DLST: variants seen among roughly 807,000 people sequenced by gnomAD.
The protein encoded by DLST is dihydrolipoyllysine-residue succinyltransferase component of 2-oxoglutarate dehydrogenase complex, mitochondrial.
DLST carries 17 observed loss-of-function variants against 53.1 expected under a neutral mutation model. The ratio of observed to expected loss-of-function variants is 0.32; its 90% CI spans 0.22 to 0.48. The LOEUF (loss-of-function observed/expected upper bound fraction) is 0.48, where lower values mean the gene tolerates loss of function less well. DLST is among the 20% of genes least tolerant of loss of function. The pLI is 0.99. For missense variants in DLST, 512 were observed against 583.9 expected (o/e 0.88, Z 1.27); for synonymous variants, 206 against 204.8 (o/e 1.01, Z -0.05).
intron 2 of DLST, among the ~76,000 whole-genome samples, chr14:74,883,386 C>T (rs1296635077): frequency 6.6e-6 from 1 of 151,368 alleles, no homozygotes; most frequent in East Asian, 1.9e-4. Flanking sequence ...TTCACAAAGA[C>T]CCTGAGGAAG....
intron 10 of DLST, among the ~76,000 whole-genome samples, chr14:74,896,851 G>T (rs149901512): frequency 2.0e-4 from 30 of 152,232 alleles, no homozygotes; most frequent in African/African-American, 7.2e-4. Context: ...GAAAGGAAGC[G>T]TAATAGCTGG....
chr14:74,890,093 A>T, intron 6 of DLST, 141 bp downstream of exon 6: 4 of 535,186 alleles, frequency 7.5e-6, no homozygotes, highest in South Asian at 3.7e-5. Flanking sequence ...GATTTGTTCA[A>T]TTTAAAAAAA....
intron 2 of DLST, among the ~76,000 whole-genome samples, chr14:74,883,325 G>T (rs1475082312): frequency 6.6e-6 from 1 of 150,940 alleles, no homozygotes; most frequent in Non-Finnish European, 1.5e-5. Flanking sequence ...GTTATGGCTA[G>T]CAGAATGTGA....
chr14:74,891,663 T>C, intron 7 of DLST: 1 of 985,054 alleles, frequency 1.0e-6, no homozygotes, highest in Non-Finnish European at 1.2e-6. Context: ...AGAAACGAAT[T>C]TGTACTGGAC....
intron 3 of DLST, among the ~76,000 whole-genome samples, chr14:74,888,513 AC>A (rs1447385101): frequency 1.3e-5 from 2 of 151,652 alleles, no homozygotes; most frequent in African/African-American, 2.4e-5. Flanking sequence ...GATCTTTGAG[AC>A]CCGTCTGGGC....
chr14:74,890,551 A>G (rs1361479208), intron 6 of DLST, among the ~76,000 whole-genome samples: 1 of 152,218 alleles, frequency 6.6e-6, no homozygotes. Context: ...ACTTGGAAAC[A>G]TATTAACTGA....
chr14:74,894,308 T>A lies in DLST; in HGVS notation c.673-4T>A. ...GTCAATGCTTGTTCCACTCTTACTT[T>A]CAGGAGAAAATGAACAGGATGCGGC... On this transcript the variant is annotated splice_region_variant and splice_polypyrimidine_tract_variant and intron_variant, in intron 9 of 14. Coordinates refer to ENST00000334220, the MANE Select transcript of DLST (RefSeq NM_001933.5). 1.2e-6 allele frequency: 2 copies of A among 1,613,894 alleles called. No individual in the cohort carries two copies. The highest frequency in any genetic ancestry group is 1.7e-6 in the Non-Finnish European group (2 of 1,179,886).
In DLST at chr14:74,894,304, A is replaced by T. The variant is rs1387438236; in HGVS notation, c.673-8A>T. On this transcript the variant is annotated splice_region_variant and splice_polypyrimidine_tract_variant and intron_variant, in intron 9 of 14. Coordinates refer to ENST00000334220, the MANE Select transcript of DLST (RefSeq NM_001933.5). ...GATTGTCAATGCTTGTTCCACTCTT[A>T]CTTTCAGGAGAAAATGAACAGGATG... 1.9e-6 allele frequency: 3 copies of T among 1,613,644 alleles called. No homozygotes were observed. Among genetic ancestry groups the T allele is most frequent in the Non-Finnish European group, 2.5e-6 (3 of 1,179,868 alleles).
chr14:74,882,858 G>A (rs1883575797), intron 2 of DLST, among the ~76,000 whole-genome samples: 1 of 152,248 alleles, frequency 6.6e-6, no homozygotes, highest in Non-Finnish European at 1.5e-5. Flanking sequence ...GGATACAGAA[G>A]TGTACAGTTC....
intron 10 of DLST, among the ~76,000 whole-genome samples, chr14:74,895,116 A>G (rs1402309160): frequency 6.6e-6 from 1 of 152,144 alleles, no homozygotes; most frequent in Non-Finnish European, 1.5e-5. Context: ...AGCCCCAGCT[A>G]CTTGGGGGGC....
At chr14:74,891,909 G>A in intron 7 of DLST, 1 of 967,838 alleles carries the variant, frequency 1.0e-6, no homozygotes, top group Non-Finnish European at 1.2e-6. Context: ...TGGGAAATAA[G>A]GTAGTCCTCC....
chr14:74,898,580 C>T lies in DLST; in HGVS notation c.901+81C>T, dbSNP rs1884145366. 6 of 1,500,422 alleles carry T rather than the reference C, an allele frequency of 4.0e-6. No homozygotes were observed. In the East Asian group the frequency reaches 1.2e-4, roughly 30 times the overall value. 92.9% of individuals were successfully genotyped at this position (1,500,422 alleles called of 1,614,324 possible). On this transcript the variant is annotated intron_variant, in intron 11 of 14. Coordinates refer to ENST00000334220, the MANE Select transcript of DLST (RefSeq NM_001933.5). ...AGACCTGCTCCCACATGCAGAGGAT[C>T]AACAGACCAAGGCTTTTTATTTGCT...
rs771087652 is a variant in DLST at position 74,891,237 on chromosome 14, C to T, written c.442+70C>T. Reference sequence around the variant, plus strand: ...TGGGATTGGGACTGAGCATAATGTGCTAATTCCCCGATATGTCAAAGACTC... The same window carrying T: ...TGGGATTGGGACTGAGCATAATGTGTTAATTCCCCGATATGTCAAAGACTC... On this transcript the variant is annotated intron_variant, in intron 7 of 14. Transcript: ENST00000334220. The T allele has an allele frequency of 7.5e-6, 12 of 1,601,916 alleles. 1 individual carries two copies. The South Asian group carries it at 1.1e-4, about 15-fold the overall frequency.
rs1884335013 is a variant in DLST, at chr14:74,903,307, GT to G, written c.*979del. 1 of 152,708 alleles carries G rather than the reference GT, an allele frequency of 6.5e-6. No individual in the cohort carries two copies. Among genetic ancestry groups the G allele is most frequent in the Non-Finnish European group, 1.5e-5 (1 of 68,130 alleles). The allele number at this position is 152,708 out of a possible 1,614,324, so 9.5% of individuals were successfully genotyped here. A position where few individuals can be genotyped will look rare whatever the true frequency, so the allele number is the denominator to read the frequency against. On this transcript the variant is annotated 3_prime_UTR_variant, in exon 15 of 15. Transcript: ENST00000334220. ...CACCTGGGCTGAGGAGGCAGTTTTT[GT>G]TCCTTCCTGCGTTATAGCGGGGCCT...
chr14:74,901,318 T>A, intron 14 of DLST, 85 bp downstream of exon 14: 1 of 1,350,852 alleles, frequency 7.4e-7, no homozygotes, highest in Admixed American at 2.3e-5. Flanking sequence ...AAACATTAAC[T>A]ATAATTTCAG....
chr14:74,893,331 C>A lies in DLST; in HGVS notation c.596-17C>A. On this transcript the variant is annotated splice_polypyrimidine_tract_variant and intron_variant, in intron 8 of 14. Transcript: ENST00000334220. ...CTTTCCTTGTCTGATGCAGCTTTAT[C>A]CTCTTTTCATTTTCAGTGTCTGCAG... 6.2e-7 allele frequency: 1 copy of A among 1,614,108 alleles called. No individual in the cohort carries two copies. Among genetic ancestry groups the A allele is most frequent in the Non-Finnish European group, 8.5e-7 (1 of 1,179,946 alleles).
rs1884057903 is a variant in DLST, at chr14:74,895,754, C to T, written c.770+1345C>T. On this transcript the variant is annotated intron_variant, in intron 10 of 14. Coordinates refer to ENST00000334220, the MANE Select transcript of DLST (RefSeq NM_001933.5). ...GCCTCTACTAAAAATACAAAAATTA[C>T]CCAGGCATGGTGGCGTATGCCTGTA... Among the ~76,000 whole-genome samples the T allele has an allele frequency of 5.3e-5, 8 of 152,162 alleles. No homozygotes were observed. In the South Asian group the frequency reaches 1.7e-3, roughly 32 times the overall value.
chr14:74,900,795 G>C (rs1294424607), intron 13 of DLST, among the ~76,000 whole-genome samples: 1 of 152,208 alleles, frequency 6.6e-6, no homozygotes, highest in African/African-American at 2.4e-5. Context: ...TAGAGTCATA[G>C]CTTACTGCAG....
chr14:74,901,321 A>G, intron 14 of DLST, 88 bp downstream of exon 14: 1 of 1,319,120 alleles, frequency 7.6e-7, no homozygotes, highest in East Asian at 2.3e-5. Context: ...CATTAACTAT[A>G]ATTTCAGGCC....
Sources: gnomAD v4.1 joint callset for allele counts (sites outside exome capture counted in the v4.1 genomes callset) on GRCh38, gnomAD v4.1.1 for gene constraint, MANE v1.5 for transcripts, NCBI Gene and HGNC (gene_info 2026-07-23, HGNC 2026-07-21) for gene names.